The following CTNNBIP1 variants were observed in gnomAD, a reference collection of about 807,000 sequenced individuals.
CTNNBIP1 encodes catenin beta interacting protein 1, also known as beta-catenin-interacting protein 1.
A neutral mutation model predicts 11.8 loss-of-function variants in CTNNBIP1; 7 were observed. That is an observed-to-expected ratio of 0.60 (90% CI 0.34 to 1.12). The LOEUF (loss-of-function observed/expected upper bound fraction) is 1.12. Ranked by LOEUF, CTNNBIP1 falls within the 50% of genes most tolerant of loss-of-function variation. CTNNBIP1 has a pLI of 0.03. For synonymous variants in CTNNBIP1, 58 were observed against 43.9 expected (o/e 1.32, Z -1.26); for missense variants, 101 against 113.4 (o/e 0.89, Z 0.50).
chr1:9,883,101 GGT>G lies in CTNNBIP1; in HGVS notation c.-110+602_-110+603del. ...AGCAGTCAGGAACAGCGGGTGCCTG[GGT>G]GGCAGCAGCGGGACGGCGCAGGAGG... On this transcript the variant is annotated intron_variant, in intron 2 of 5. Coordinates refer to ENST00000377263, the MANE Select transcript of CTNNBIP1 (RefSeq NM_020248.3). This position sits in a 1 kb window ranked among gnomAD's most constrained non-coding sequence, Gnocchi z 5.6. Among the ~76,000 whole-genome samples the G allele has an allele frequency of 6.6e-6, 1 of 152,212 alleles. No individual in the cohort carries two copies. Among genetic ancestry groups the G allele is most frequent in the South Asian group, 2.1e-4 (1 of 4,820 alleles).
intron 1 of CTNNBIP1, among the ~76,000 whole-genome samples, chr1:9,884,122 GC>G (rs1486653091): frequency 6.6e-6 from 1 of 152,174 alleles, no homozygotes; most frequent in Non-Finnish European, 1.5e-5. Flanking sequence ...TGTAGGCAGA[GC>G]CGGGGTACAA....
At chr1:9,888,888 G>A (rs1319859954) in intron 1 of CTNNBIP1, among the ~76,000 whole-genome samples, 2 of 152,222 alleles carry the variant, frequency 1.3e-5, no homozygotes, top group African/African-American at 4.8e-5. Context: ...GGTTCTGGGA[G>A]CATTTAAATC....
chr1:9,868,567 T>C (rs1475216688), intron 5 of CTNNBIP1, among the ~76,000 whole-genome samples: 2 of 152,252 alleles, frequency 1.3e-5, no homozygotes, highest in African/African-American at 4.8e-5. Context: ...ATATTAGTTT[T>C]ACAAAAATGT....
At chr1:9,888,166 C>T (rs1225335992) in intron 1 of CTNNBIP1, among the ~76,000 whole-genome samples, 4 of 151,994 alleles carry the variant, frequency 2.6e-5, no homozygotes, top group Non-Finnish European at 5.9e-5. Flanking sequence ...CACAGTGGCT[C>T]ATGCCTGTAA....
At chr1:9,869,922 A>G (rs1046981758) in intron 5 of CTNNBIP1, among the ~76,000 whole-genome samples, 5 of 152,244 alleles carry the variant, frequency 3.3e-5, no homozygotes, top group African/African-American at 1.2e-4. Flanking sequence ...AGCCGACGCC[A>G]CATAGAACAG....
intron 1 of CTNNBIP1, among the ~76,000 whole-genome samples, chr1:9,901,513 G>A (rs543102622): frequency 1.9e-4 from 29 of 152,192 alleles, no homozygotes; most frequent in Non-Finnish European, 3.7e-4. Context: ...GTGGTTATTC[G>A]GTTCAGGTCA....
intron 5 of CTNNBIP1, among the ~76,000 whole-genome samples, chr1:9,862,260 C>T (rs1268606546): frequency 6.6e-6 from 1 of 152,110 alleles, no homozygotes; most frequent in Admixed American, 6.6e-5. Flanking sequence ...ATATACACAC[C>T]TTCAATAGAG....
intron 1 of CTNNBIP1, among the ~76,000 whole-genome samples, chr1:9,894,933 A>T (rs754540249): frequency 6.8e-4 from 80 of 117,270 alleles, no homozygotes; most frequent in East Asian, 7.6e-4. Context: ...TTTGAGACAG[A>T]GTCTCACTCT....
chr1:9,889,998 G>C (rs58096422), intron 1 of CTNNBIP1, among the ~76,000 whole-genome samples: 5,311 of 152,276 alleles, frequency 0.035, 297 homozygotes, highest in African/African-American at 0.12. Context: ...CCCAGCCTTT[G>C]CATGGCCTCA....
chr1:9,898,939 A>G (rs1639464601), intron 1 of CTNNBIP1, among the ~76,000 whole-genome samples: 1 of 152,156 alleles, frequency 6.6e-6, no homozygotes, highest in Non-Finnish European at 1.5e-5. Flanking sequence ...TTTTCCCTGA[A>G]TATTTTTTGA....
Position 9,906,419 on chromosome 1 carries a change from G to A in CTNNBIP1, c.-144+3676C>T, listed in dbSNP as rs12082998. 4.9e-3 allele frequency among the ~76,000 whole-genome samples: 739 copies of A among 152,182 alleles called. 9 individuals are homozygous for A. The highest frequency in any genetic ancestry group is 0.017 in the African/African-American group (699 of 41,510). On this transcript the variant is annotated intron_variant, in intron 1 of 5. Transcript: ENST00000377263. The stretch of plus-strand genomic sequence containing the variant: ...CTAAAAATACAAAAATTAGCCAGAC[G>A]TGGTGGCACACGCCTGTAATCCCAG...
chr1:9,878,056 C>T (rs1639008522), intron 2 of CTNNBIP1, 67 bp from the exon 3 acceptor site: 1 of 152,672 alleles, frequency 6.5e-6, no homozygotes, highest in Admixed American at 6.5e-5. Context: ...CAGGGCTGGG[C>T]CTGGAGCACA....
intron 5 of CTNNBIP1, among the ~76,000 whole-genome samples, chr1:9,856,889 C>T (rs555221586): frequency 5.3e-5 from 8 of 151,298 alleles, no homozygotes; most frequent in Admixed American, 3.3e-4. Flanking sequence ...TTTGAGAGGC[C>T]GAGATGGGGG....
intron 5 of CTNNBIP1, among the ~76,000 whole-genome samples, chr1:9,858,568 T>G (rs1638558416): frequency 6.6e-6 from 1 of 152,184 alleles, no homozygotes; most frequent in Non-Finnish European, 1.5e-5. Flanking sequence ...GTTCTTGCAC[T>G]TCATAGAGGC....
At chr1:9,855,592 T>C (rs904170473) in intron 5 of CTNNBIP1, among the ~76,000 whole-genome samples, 3 of 152,104 alleles carry the variant, frequency 2.0e-5, no homozygotes, top group Non-Finnish European at 2.9e-5. Flanking sequence ...CAGGATGAAA[T>C]TGGACTCTTA....
At chr1:9,905,239 C>T (rs1639594205) in intron 1 of CTNNBIP1, among the ~76,000 whole-genome samples, 1 of 152,180 alleles carries the variant, frequency 6.6e-6, no homozygotes, top group African/African-American at 2.4e-5. Context: ...TCATCACTAA[C>T]CACACTCCAG....
At chr1:9,893,394 T>C (rs1316137858) in intron 1 of CTNNBIP1, among the ~76,000 whole-genome samples, 1 of 152,138 alleles carries the variant, frequency 6.6e-6, no homozygotes, top group East Asian at 1.9e-4. Context: ...GCCACGAAAC[T>C]GTTAGTCACC....
At chr1:9,866,595 G>A (rs1638750540) in intron 5 of CTNNBIP1, among the ~76,000 whole-genome samples, 1 of 151,722 alleles carries the variant, frequency 6.6e-6, no homozygotes, top group African/African-American at 2.4e-5. Flanking sequence ...CAGGAGAATT[G>A]CTTGAACTGG....
chr1:9,884,970 A>G (rs1181663797), intron 1 of CTNNBIP1, among the ~76,000 whole-genome samples: 1 of 152,142 alleles, frequency 6.6e-6, no homozygotes, highest in African/African-American at 2.4e-5. Context: ...GGCCTGTGTC[A>G]CAAGGGCAGC....
Sources: gnomAD v4.1 joint callset for allele counts (sites outside exome capture counted in the v4.1 genomes callset) on GRCh38, gnomAD v4.1.1 for gene constraint, Gnocchi (gnomAD v3.1) non-coding constraint, MANE v1.5 for transcripts, NCBI Gene and HGNC (gene_info 2026-07-23, HGNC 2026-07-21) for gene names.